Variants in DBI observed in about 807,000 individuals in gnomAD.
DBI encodes diazepam binding inhibitor, acyl-CoA binding protein, also known as acyl-CoA-binding protein.
Under a neutral mutation model 13.0 loss-of-function variants are expected in DBI, and 12 were observed. That is an observed-to-expected ratio of 0.92 (90% CI 0.59 to 1.49). The LOEUF is 1.49. Ranked by LOEUF, DBI falls within the 40% of genes most tolerant of loss-of-function variation. The pLI is 0.00. For synonymous variants in DBI, 37 were observed against 37.4 expected (o/e 0.99, Z 0.04); for missense variants, 95 against 104.8 (o/e 0.91, Z 0.41).
At position 119,372,235 on chromosome 2, in the gene DBI, T is replaced by C; in HGVS notation, c.191-10T>C. The C allele has an allele frequency of 6.2e-7, 1 of 1,610,598 alleles. No individual in the cohort carries two copies. The highest frequency in any genetic ancestry group is 8.5e-7 in the Non-Finnish European group (1 of 1,176,982). Reference sequence around the variant, plus strand: ...CCTCCCTGACACATAATCCTGTCGATTCCTTACAGGGACTTCCAAGGAAGA... The same window carrying C: ...CCTCCCTGACACATAATCCTGTCGACTCCTTACAGGGACTTCCAAGGAAGA... On this transcript the variant is annotated splice_polypyrimidine_tract_variant and intron_variant, in intron 3 of 3. Coordinates refer to ENST00000355857, the MANE Select transcript of DBI (RefSeq NM_001079862.4).
At chr2:119,368,119 C>A in intron 1 of DBI, 69 bp from the exon 2 acceptor site, 1 of 1,508,670 alleles carries the variant, frequency 6.6e-7, no homozygotes, top group Non-Finnish European at 9.2e-7. Context: ...TGTCATCAGG[C>A]CACAGTAGGA....
At chr2:119,367,755 G>T in intron 1 of DBI, 1 of 1,607,760 alleles carries the variant, frequency 6.2e-7, no homozygotes, top group South Asian at 1.1e-5. Flanking sequence ...AGCATACTGT[G>T]CCCCGTCTGT....
At chr2:119,371,808 C>G (rs774931947) in intron 3 of DBI, among the ~76,000 whole-genome samples, 2 of 152,246 alleles carry the variant, frequency 1.3e-5, no homozygotes, top group Non-Finnish European at 2.9e-5. Flanking sequence ...TGCTTTTTCA[C>G]TGCCAGCTTA....
Position 119,367,041 on chromosome 2 carries a change from A to C in DBI, c.-11A>C, listed in dbSNP as rs1296575427. 6.2e-7 allele frequency: 1 copy of C among 1,613,942 alleles called. No homozygotes were observed. Among genetic ancestry groups the C allele is most frequent in the Non-Finnish European group, 8.5e-7 (1 of 1,180,004 alleles). On this transcript the variant is annotated 5_prime_UTR_variant, in exon 1 of 4. Coordinates refer to ENST00000355857, the MANE Select transcript of DBI (RefSeq NM_001079862.4). ...CCGCTGTCTCCCTGGAGTTCTTGCA[A>C]GTCGGCCAGGATGTCTCAGGTACAG...
chr2:119,370,761 T>C lies in DBI; in HGVS notation c.149T>C (p.Phe50Ser). The change falls in exon 3 of 4, where the codon TTC becomes TCC. Residue 50 changes from phenylalanine to serine, a missense_variant. Transcript: ENST00000355857. ...TAAGAACGGCCCGGGATGTTGGACT[T>C]CACGGGCAAGGCCAAGTGGGATGCC... ...INTERPGMLD[F>S]TGKAKWDAWN... The C allele has an allele frequency of 6.2e-7, 1 of 1,614,130 alleles. No individual in the cohort carries two copies. The highest frequency in any genetic ancestry group is 8.5e-7 in the Non-Finnish European group (1 of 1,179,982).
intron 1 of DBI, 57 bp downstream of exon 1, chr2:119,367,117 G>T (rs1172540198): frequency 6.2e-7 from 1 of 1,607,436 alleles, no homozygotes; most frequent in Admixed American, 1.7e-5. Context: ...GCCCGTTGGG[G>T]GCTCAGCCGG....
chr2:119,369,540 C>T (rs1280602184), intron 2 of DBI, among the ~76,000 whole-genome samples: 1 of 152,188 alleles, frequency 6.6e-6, no homozygotes, highest in Non-Finnish European at 1.5e-5. Flanking sequence ...GTAATCCCAG[C>T]ACTTTGGGAG....
At chr2:119,367,409 G>C in intron 1 of DBI, 2 of 1,504,122 alleles carry the variant, frequency 1.3e-6, no homozygotes, top group Non-Finnish European at 8.9e-7. Context: ...GAAGCACAGG[G>C]CAGGACGTCG....
At chr2:119,367,457 C>T (rs1321111806) in intron 1 of DBI, 3 of 1,576,162 alleles carry the variant, frequency 1.9e-6, no homozygotes, top group Non-Finnish European at 2.6e-6. Flanking sequence ...TGGCCGAGAG[C>T]TTGGAGGTCA....
At position 119,370,807 on chromosome 2, in the gene DBI, T is replaced by C. The variant is rs1032310239; in HGVS notation, c.190+5T>C. 14 of 1,612,932 alleles carry C rather than the reference T, an allele frequency of 8.7e-6. No individual in the cohort carries two copies. Among genetic ancestry groups the C allele is most frequent in the Non-Finnish European group, 1.2e-5 (14 of 1,179,116 alleles). ...ATGCCTGGAATGAGCTGAAAGGTAA[T>C]TGTTCTAATCAATTTCTCTCATTTG... is the stretch of plus-strand genomic sequence containing the variant. On this transcript the variant is annotated splice_donor_5th_base_variant and intron_variant, in intron 3 of 3. Coordinates refer to ENST00000355857, the MANE Select transcript of DBI (RefSeq NM_001079862.4).
intron 3 of DBI, 96 bp downstream of exon 3, chr2:119,370,898 A>C (rs980910251): frequency 8.4e-7 from 1 of 1,191,046 alleles, no homozygotes; most frequent in Non-Finnish European, 1.2e-6. Context: ...AACAAAGTCA[A>C]TGGGGCACGT....
intron 1 of DBI, chr2:119,367,813 G>A: frequency 6.2e-7 from 1 of 1,612,484 alleles, no homozygotes; most frequent in Admixed American, 1.7e-5. Flanking sequence ...CTAGTGCCTG[G>A]CCCGGTGGTG....
At chr2:119,368,074 C>A in intron 1 of DBI, 114 bp from the exon 2 acceptor site, 1 of 1,461,820 alleles carries the variant, frequency 6.8e-7, no homozygotes, top group Non-Finnish European at 9.6e-7. Context: ...CCGAAGGGTG[C>A]CACCTTTCCC....
chr2:119,367,350 G>C, intron 1 of DBI: 1 of 1,442,044 alleles, frequency 6.9e-7, no homozygotes, highest in Non-Finnish European at 9.1e-7. Context: ...GAGAGATGGG[G>C]GAAGGGGTTG....
intron 3 of DBI, among the ~76,000 whole-genome samples, 166 bp from the exon 4 acceptor site, chr2:119,372,079 G>A (rs973740473): frequency 2.0e-5 from 3 of 152,168 alleles, no homozygotes; most frequent in Non-Finnish European, 4.4e-5. Context: ...CATTCACTTC[G>A]GGCCAGGTTC....
chr2:119,368,219 G>C lies in DBI; in HGVS notation c.41G>C (p.Arg14Thr). The C allele has an allele frequency of 1.2e-6, 2 of 1,613,818 alleles. No homozygotes were observed. Among genetic ancestry groups the C allele is most frequent in the Non-Finnish European group, 1.7e-6 (2 of 1,180,024 alleles). The change falls in exon 2 of 4, where the codon AGG becomes ACG. Residue 14 changes from arginine (R) to threonine (T), a missense_variant. Arg to Thr is a moderately conservative substitution (Grantham distance 71). Transcript: ENST00000355857. ...TTTGAGAAAGCTGCAGAGGAGGTTA[G>C]GCACCTTAAGACCAAGCCATCGGAT... ...AEFEKAAEEV[R>T]HLKTKPSDEE...
chr2:119,369,562 C>T (rs138945866), intron 2 of DBI, among the ~76,000 whole-genome samples: 4 of 152,118 alleles, frequency 2.6e-5, no homozygotes, highest in East Asian at 3.9e-4. Flanking sequence ...CCGAAGCAAG[C>T]GAATCATGAG....
chr2:119,367,666 C>T, intron 1 of DBI: 2 of 1,613,638 alleles, frequency 1.2e-6, no homozygotes, highest in South Asian at 2.2e-5. Flanking sequence ...ACGCGCGGGC[C>T]CCAGGGGGAG....
Position 119,367,049 on chromosome 2 carries a change from A to G in DBI, c.-3A>G. 1 of 1,614,078 alleles carries G rather than the reference A, an allele frequency of 6.2e-7. No individual in the cohort carries two copies. On this transcript the variant is annotated 5_prime_UTR_variant, in exon 1 of 4. Coordinates refer to ENST00000355857, the MANE Select transcript of DBI (RefSeq NM_001079862.4). The stretch of plus-strand genomic sequence containing the variant: ...TCCCTGGAGTTCTTGCAAGTCGGCC[A>G]GGATGTCTCAGGTACAGCGCGTGCA...
Sources: allele counts gnomAD v4.1 joint callset (sites outside exome capture counted in the v4.1 genomes callset), GRCh38; gene constraint gnomAD v4.1.1; transcripts MANE v1.5; gene names NCBI Gene and HGNC (gene_info 2026-07-23, HGNC 2026-07-21).